The following AR variants were observed in gnomAD, a reference collection of about 807,000 sequenced individuals.
AR encodes androgen receptor.
Under a neutral mutation model 53.9 loss-of-function variants are expected in AR, and 8 were observed. The observed-to-expected ratio is 0.15, with a 90% CI of 0.09 to 0.27. The LOEUF (loss-of-function observed/expected upper bound fraction) is 0.27, where lower values mean the gene tolerates loss of function less well. AR is among the 10% of genes least tolerant of loss of function. AR has a pLI of 1.00. For synonymous variants in AR, 359 were observed against 316.4 expected (o/e 1.13, Z -1.43); for missense variants, 639 against 742.5 (o/e 0.86, Z 1.62).
At chrX:67,710,936 C>T (rs1169137988) in intron 3 of AR, among the ~76,000 whole-genome samples, 1 of 112,289 alleles carries the variant, frequency 8.9e-6, no homozygotes, top group African/African-American at 3.2e-5. Flanking sequence ...CAGCATTTTC[C>T]AGTCCAACGT....
chrX:67,730,526 G>T lies in AR; in HGVS notation c.*6685G>T, dbSNP rs1387926694. 1.8e-5 allele frequency: 3 copies of T among 171,106 alleles called. No individual in the cohort carries two copies. The highest frequency in any genetic ancestry group is 3.3e-5 in the Non-Finnish European group (3 of 89,756). 14.1% of individuals were successfully genotyped at this position (171,106 alleles called of 1,213,427 possible). A position where few individuals can be genotyped will look rare whatever the true frequency, so the allele number is the denominator to read the frequency against. ...CATCCCCTGTTATGGCTGCAGGATC[G>T]AGTTATTGTTAACAAAGAGACCCAA... On this transcript the variant is annotated 3_prime_UTR_variant, in exon 8 of 8. Coordinates refer to ENST00000374690, the MANE Select transcript of AR (RefSeq NM_000044.6).
intron 1 of AR, among the ~76,000 whole-genome samples, chrX:67,561,942 T>G (rs1366328369): frequency 1.1e-5 from 1 of 89,937 alleles, no homozygotes. Context: ...TTTTTTTTTT[T>G]TTTTTTTTTT....
Position 67,710,879 on chromosome X carries a change from C to T in AR, c.1886-523C>T, listed in dbSNP as rs145620030. Among the ~76,000 whole-genome samples the T allele has an allele frequency of 7.4e-3, 828 of 111,447 alleles. 6 individuals are homozygous for T. Among genetic ancestry groups the T allele is most frequent in the African/African-American group, 0.026 (791 of 30,626 alleles). On this transcript the variant is annotated intron_variant, in intron 3 of 7. Transcript: ENST00000374690. ...CATATAAAGCATTTTCTAAACCCAC[C>T]TATGTAAAAAGATTAGTGTTTTCCT...
intron 2 of AR, among the ~76,000 whole-genome samples, chrX:67,646,190 T>G (rs1926049066): frequency 9.0e-6 from 1 of 111,413 alleles, no homozygotes; most frequent in South Asian, 3.8e-4. Flanking sequence ...TGGTGGTTTA[T>G]AACAGATGGG....
intron 2 of AR, among the ~76,000 whole-genome samples, chrX:67,661,926 G>T (rs1290140507): frequency 8.9e-6 from 1 of 111,787 alleles, no homozygotes; most frequent in Non-Finnish European, 1.9e-5. Flanking sequence ...TTGGGATGGT[G>T]TATGTGTCGA....
At chrX:67,632,637 G>C (rs1469818444) in intron 1 of AR, among the ~76,000 whole-genome samples, 1 of 111,863 alleles carries the variant, frequency 8.9e-6, no homozygotes, top group Non-Finnish European at 1.9e-5. Context: ...GACCTGAGCT[G>C]TTCCTATTCG....
At chrX:67,560,515 T>G (rs1165075524) in intron 1 of AR, among the ~76,000 whole-genome samples, 1 of 112,047 alleles carries the variant, frequency 8.9e-6, no homozygotes, top group South Asian at 3.7e-4. Flanking sequence ...TCTTCGTGCT[T>G]AATGCAAAGG....
At chrX:67,694,684 G>T in intron 3 of AR, 3 of 1,154,442 alleles carry the variant, frequency 2.6e-6, no homozygotes, top group Non-Finnish European at 3.4e-6. Context: ...AAAATTCCGG[G>T]TTGGCAATTG....
At chrX:67,689,789 G>C (rs769718677) in intron 3 of AR, 1 of 743,624 alleles carries the variant, frequency 1.3e-6, no homozygotes, top group Non-Finnish European at 1.6e-6. Flanking sequence ...TCCAAATGAG[G>C]ACCTTCCCTC....
chrX:67,600,837 C>T (rs1411676497), intron 1 of AR, among the ~76,000 whole-genome samples: 1 of 110,215 alleles, frequency 9.1e-6, no homozygotes, highest in Non-Finnish European at 1.9e-5. Flanking sequence ...CCATTGTGTA[C>T]TCACAAAATT....
At chrX:67,561,309 G>C (rs1215504988) in intron 1 of AR, among the ~76,000 whole-genome samples, 1 of 111,928 alleles carries the variant, frequency 8.9e-6, no homozygotes, top group Admixed American at 9.5e-5. Flanking sequence ...CTGATGGATT[G>C]TAAGTTCCAT....
intron 3 of AR, among the ~76,000 whole-genome samples, chrX:67,708,390 A>G (rs915092134): frequency 9.0e-6 from 1 of 111,195 alleles, no homozygotes; most frequent in Non-Finnish European, 1.9e-5. Context: ...CATTTCATTC[A>G]TTTGATCTTC....
chrX:67,720,043 C>T (rs1041266529), intron 5 of AR, among the ~76,000 whole-genome samples: 2 of 112,035 alleles, frequency 1.8e-5, no homozygotes, highest in African/African-American at 6.5e-5. Flanking sequence ...CTTCTATGTG[C>T]CGCAAATTTT....
intron 3 of AR, among the ~76,000 whole-genome samples, chrX:67,704,701 T>C (rs1168923115): frequency 8.9e-6 from 1 of 112,096 alleles, no homozygotes; most frequent in African/African-American, 3.2e-5. Context: ...TTTTGGTGTT[T>C]TAGACATGAA....
Position 67,657,503 on chromosome X carries a change from T to A in AR, c.1768+14096T>A, listed in dbSNP as rs1236380167. Among the ~76,000 whole-genome samples, 3 of 111,852 alleles carry A rather than the reference T, an allele frequency of 2.7e-5. No individual in the cohort carries two copies. In the East Asian group the frequency reaches 8.5e-4, roughly 32 times the overall value. ...TCTTTCAGTAATACACTTACAGTTC[T>A]CTTTCCTCCACTAGACTGAGCTCTT... On this transcript the variant is annotated intron_variant, in intron 2 of 7. Coordinates refer to ENST00000374690, the MANE Select transcript of AR (RefSeq NM_000044.6).
chrX:67,629,105 G>T (rs1460072959), intron 1 of AR, among the ~76,000 whole-genome samples: 3 of 110,883 alleles, frequency 2.7e-5, no homozygotes, highest in Non-Finnish European at 3.8e-5. Flanking sequence ...TCTCTTTTTT[G>T]GTTGTGTCTC....
At chrX:67,566,632 A>G (rs1198737457) in intron 1 of AR, among the ~76,000 whole-genome samples, 1 of 111,068 alleles carries the variant, frequency 9.0e-6, no homozygotes, top group African/African-American at 3.3e-5. Context: ...GTGAGTCCCA[A>G]CTTTCTGGTT....
chrX:67,657,485 G>A (rs1006418490), intron 2 of AR, among the ~76,000 whole-genome samples: 5 of 111,491 alleles, frequency 4.5e-5, no homozygotes, highest in African/African-American at 1.3e-4. Context: ...TTATCTTTCA[G>A]TAATACACTT....
At position 67,546,303 on chromosome X, in the gene AR, G is replaced by A. The variant is rs555361360; in HGVS notation, c.1157G>A (p.Arg386His). Residue 386 changes from arginine to histidine, a missense_variant, in exon 1 of 8, where the codon CGC (arginine) becomes CAC (histidine). Arg to His is a conservative substitution (Grantham distance 29). Transcript: ENST00000374690. The stretch of plus-strand genomic sequence containing the variant: ...CCGCCGCCTCCCCATCCCCACGCTC[G>A]CATCAAGCTGGAGAACCCGCTGGAC... ...PPPPPPHPHA[R>H]IKLENPLDYG... 8.8e-5 allele frequency: 106 copies of A among 1,198,372 alleles called. No homozygotes were observed. The South Asian group carries it at 1.7e-3, about 19-fold the overall frequency.
Sources: allele counts gnomAD v4.1 joint callset (sites outside exome capture counted in the v4.1 genomes callset), GRCh38; gene constraint gnomAD v4.1.1; transcripts MANE v1.5; gene names NCBI Gene and HGNC (gene_info 2026-07-23, HGNC 2026-07-21).